MYH3: variants seen among roughly 807,000 people sequenced by gnomAD.
The protein encoded by MYH3 is myosin-3.
MYH3 carries 130 observed loss-of-function variants against 238.0 expected under a neutral mutation model. That is an observed-to-expected ratio of 0.55 (90% confidence interval 0.47 to 0.63). The LOEUF is 0.63. Ranked by LOEUF, MYH3 falls within the 30% of genes least tolerant of loss-of-function variation. The pLI, the probability that MYH3 is intolerant of heterozygous loss-of-function variation, is 0.00. For missense variants in MYH3, 1,853 were observed against 2,374.9 expected (o/e 0.78, Z 4.57); for synonymous variants, 880 against 924.1 (o/e 0.95, Z 0.86).
In MYH3 at chr17:10,654,422, C is replaced by T. The variant is rs981174908; in HGVS notation, c.204+439G>A. Among the ~76,000 whole-genome samples, 3 of 152,210 alleles carry T rather than the reference C, an allele frequency of 2.0e-5. No homozygotes were observed. Among genetic ancestry groups the T allele is most frequent in the Non-Finnish European group, 4.4e-5 (3 of 68,038 alleles). ...ACAAGGAGGCTGCTATTTCACTGAG[C>T]TTGTGGTCCCCTAGGATCCCTAACA... is the stretch of plus-strand genomic sequence containing the variant. On this transcript the variant is annotated intron_variant, in intron 3 of 40. Transcript: ENST00000583535. The surrounding 1 kb of genome is among the most constrained non-coding windows in gnomAD (Gnocchi z 4.5).
At chr17:10,632,067 C>G in intron 34 of MYH3, 51 bp from the exon 35 acceptor site, 1 of 1,577,734 alleles carries the variant, frequency 6.3e-7, no homozygotes. Context: ...GTTAGGACCA[C>G]GAGCCTCATC....
chr17:10,631,584 G>T (rs1030580564), intron 36 of MYH3, 27 bp downstream of exon 36: 2 of 1,614,100 alleles, frequency 1.2e-6, no homozygotes, highest in East Asian at 2.2e-5. Flanking sequence ...CCGGCAGCCC[G>T]AGGGCAGCAG....
At chr17:10,669,661 T>G in the MYH3 span, among the ~76,000 whole-genome samples, 1 of 151,998 alleles carries the variant, frequency 6.6e-6, no homozygotes, top group Non-Finnish European at 1.5e-5. Context: ...CCCAACACTT[T>G]CGGAGGCCGA....
intron 8 of MYH3, 83 bp downstream of exon 8, chr17:10,648,474 G>A: frequency 8.8e-7 from 1 of 1,134,728 alleles, no homozygotes; most frequent in South Asian, 1.2e-5. Context: ...GTTGCCTCTG[G>A]TCTCTACACT....
chr17:10,646,152 A>G, intron 10 of MYH3, 120 bp from the exon 11 acceptor site: 2 of 827,320 alleles, frequency 2.4e-6, no homozygotes, highest in African/African-American at 1.7e-5. Context: ...TTGAACTTAG[A>G]ATTAAAAATC....
intron 34 of MYH3, 50 bp from the exon 35 acceptor site, chr17:10,632,066 A>G: frequency 1.3e-6 from 2 of 1,585,064 alleles, no homozygotes; most frequent in Non-Finnish European, 1.7e-6. Context: ...CGTTAGGACC[A>G]CGAGCCTCAT....
chr17:10,668,701 G>C, the MYH3 span, among the ~76,000 whole-genome samples: 4 of 152,174 alleles, frequency 2.6e-5, no homozygotes, highest in African/African-American at 9.7e-5. Flanking sequence ...GTTTTAGACT[G>C]AAATATTTGG....
At chr17:10,676,206 C>T in the MYH3 span, 1 of 152,292 alleles carries the variant, frequency 6.6e-6, no homozygotes, top group African/African-American at 2.4e-5. Context: ...ATTCTCCTAC[C>T]TCAGCCTCCC....
intron 28 of MYH3, among the ~76,000 whole-genome samples, chr17:10,637,102 C>T (rs2074223101): frequency 6.6e-6 from 1 of 151,288 alleles, no homozygotes; most frequent in Admixed American, 6.6e-5. Flanking sequence ...TCTTGTTGCC[C>T]AGGCTGGAGT....
Position 10,639,312 on chromosome 17 carries a change from G to C in MYH3, c.3088C>G (p.Gln1030Glu). 1.9e-6 allele frequency: 3 copies of C among 1,614,146 alleles called. No homozygotes were observed. The highest frequency in any genetic ancestry group is 2.5e-6 in the Non-Finnish European group (3 of 1,180,036). Reference protein sequence around the residue: ...SLNKTKSKLEQQVEDLESSLE... With the variant: ...SLNKTKSKLEEQVEDLESSLE... Reference sequence around the variant, plus strand: ...TATTTACTTACGTCTTCCACTTGCTGTTCCAGTTTGCTCTTGGTTTTGTTC... The same window carrying C: ...TATTTACTTACGTCTTCCACTTGCTCTTCCAGTTTGCTCTTGGTTTTGTTC... The change falls in exon 24 of 41, where the codon CAG becomes GAG. Residue 1030 changes from glutamine (Q) to glutamate (E), a missense_variant. By Grantham distance (29) the Gln-to-Glu change is conservative. Coordinates refer to ENST00000583535, the MANE Select transcript of MYH3 (RefSeq NM_002470.4).
At chr17:10,669,145 G>A in the MYH3 span, among the ~76,000 whole-genome samples, 70 of 152,232 alleles carry the variant, frequency 4.6e-4, no homozygotes, top group African/African-American at 8.4e-4. Context: ...CTGCTGCCCC[G>A]CAGGGATGTG....
In MYH3 at chr17:10,632,554, G is replaced by A. The variant is rs373372168; in HGVS notation, c.4878C>T (p.Ile1626=). 7 of 1,614,030 alleles carry A rather than the reference G, an allele frequency of 4.3e-6. No individual in the cohort carries two copies. Among genetic ancestry groups the A allele is most frequent in the South Asian group, 2.2e-5 (2 of 91,088 alleles). Reference sequence around the variant, plus strand: ...GGTTGGCGTGGCTCAGCTGGATCTCGATTTCATTCAGGTCCCCCTCCATCT... The same window carrying A: ...GGTTGGCGTGGCTCAGCTGGATCTCAATTTCATTCAGGTCCCCCTCCATCT... ...KKKMEGDLNE[I]EIQLSHANRQ... is the part of the protein sequence containing the mutation. The change falls in exon 34 of 41, where the codon ATC becomes ATT. Residue 1626 remains isoleucine (I), a synonymous_variant. Coordinates refer to ENST00000583535, the MANE Select transcript of MYH3 (RefSeq NM_002470.4).
At chr17:10,638,851 G>A (rs772106684) in intron 26 of MYH3, 22 bp downstream of exon 26, 5 of 1,608,640 alleles carry the variant, frequency 3.1e-6, no homozygotes, top group South Asian at 2.2e-5. Context: ...ACATGGAAGA[G>A]AGAAATGCAG....
intron 28 of MYH3, among the ~76,000 whole-genome samples, chr17:10,637,495 C>G (rs1239466032): frequency 6.6e-6 from 1 of 152,168 alleles, no homozygotes; most frequent in African/African-American, 2.4e-5. Flanking sequence ...TTTCTAGTCT[C>G]ATTTCTGCCC....
intron 4 of MYH3, 117 bp downstream of exon 4, chr17:10,652,303 T>C (rs533539306): frequency 1.9e-5 from 24 of 1,289,738 alleles, no homozygotes; most frequent in Middle Eastern, 4.1e-4. Flanking sequence ...GTTTTGTTCA[T>C]CAGCTAGGCA....
chr17:10,638,828 T>G, intron 26 of MYH3, 45 bp downstream of exon 26: 1 of 1,584,268 alleles, frequency 6.3e-7, no homozygotes. Context: ...CCCAGCTCAC[T>G]GTAAGTGGCC....
intron 13 of MYH3, 32 bp downstream of exon 13, chr17:10,644,552 C>T (rs746167518): frequency 1.1e-5 from 18 of 1,613,122 alleles, no homozygotes; most frequent in Non-Finnish European, 1.5e-5. Context: ...CCAGCAGGGT[C>T]CTGCACCCTT....
Position 10,635,419 on chromosome 17 carries a change from T to C in MYH3, c.4120A>G (p.Thr1374Ala). ...KANSEVAQWR[T>A]KYETDAIQRT... The stretch of plus-strand genomic sequence containing the variant: ...TGGATGGCGTCCGTCTCGTATTTGG[T>C]TCTCCACTGGGCAACCTCACTATTG... The change falls in exon 30 of 41, where the codon ACC (threonine) becomes GCC (alanine). Residue 1374 changes from threonine (T) to alanine (A), a missense_variant. Thr to Ala is a moderately conservative substitution (Grantham distance 58, BLOSUM62 0). This residue lies in a region of MYH3 where 1,044 missense variants were observed against 1,192.6 expected (regional missense o/e 0.88). Coordinates refer to ENST00000583535, the MANE Select transcript of MYH3 (RefSeq NM_002470.4). 6.2e-7 allele frequency: 1 copy of C among 1,614,038 alleles called. No individual in the cohort carries two copies. Among genetic ancestry groups the C allele is most frequent in the South Asian group, 1.1e-5 (1 of 91,082 alleles).
Position 10,638,307 on chromosome 17 carries a change from T to TC in MYH3, c.3464dup (p.Gly1156ArgfsTer45). On this transcript the variant is annotated frameshift_variant, in exon 27 of 41. Transcript: ENST00000583535. LOFTEE classifies it high-confidence loss of function. ...GCTCTATCTGCGTGGAGGTGACGCC[T>TC]CCCGCCTCCTCCAGCCGCTCGCTCA... is the stretch of plus-strand genomic sequence containing the variant. 6.2e-7 allele frequency: 1 copy of TC among 1,612,712 alleles called. No individual in the cohort carries two copies. Among genetic ancestry groups the TC allele is most frequent in the Non-Finnish European group, 8.5e-7 (1 of 1,179,942 alleles).
Sources: allele counts gnomAD v4.1 joint callset (sites outside exome capture counted in the v4.1 genomes callset), GRCh38; gene constraint gnomAD v4.1.1; regional missense constraint gnomAD v4.1.1; non-coding constraint Gnocchi (gnomAD v3.1); transcripts MANE v1.5; gene names NCBI Gene and HGNC (gene_info 2026-07-23, HGNC 2026-07-21).